The following IPP variants were observed in gnomAD, a reference collection of about 807,000 sequenced individuals.
The protein encoded by IPP is actin-binding protein IPP.
In IPP, 41 loss-of-function variants were observed where a neutral mutation model predicts 64.1. The ratio of observed to expected loss-of-function variants is 0.64; its 90% CI spans 0.50 to 0.83. IPP has a LOEUF of 0.83. IPP is among the 40% of genes least tolerant of loss of function. The pLI is 0.00. For missense variants in IPP, 649 were observed against 703.0 expected (o/e 0.92, Z 0.87); for synonymous variants, 214 against 235.2 (o/e 0.91, Z 0.83).
At chr1:45,743,948 C>T (rs1489527233) in intron 2 of IPP, among the ~76,000 whole-genome samples, 5 of 150,706 alleles carry the variant, frequency 3.3e-5, no homozygotes, top group Non-Finnish European at 7.4e-5. Flanking sequence ...AACTGGGAGG[C>T]AGACGTTGCA....
intron 8 of IPP, among the ~76,000 whole-genome samples, chr1:45,705,575 G>A (rs1248106319): frequency 6.6e-6 from 1 of 152,218 alleles, no homozygotes; most frequent in African/African-American, 2.4e-5. Context: ...GGGAGGCTGA[G>A]GTGGGCAGAT....
chr1:45,717,736 A>C (rs1276806022), intron 6 of IPP, among the ~76,000 whole-genome samples: 1 of 152,022 alleles, frequency 6.6e-6, no homozygotes, highest in Non-Finnish European at 1.5e-5. Context: ...GTTGGTCTCG[A>C]TCTCCTGACT....
At chr1:45,717,716 T>C (rs1427203943) in intron 6 of IPP, among the ~76,000 whole-genome samples, 2 of 152,130 alleles carry the variant, frequency 1.3e-5, no homozygotes, top group Non-Finnish European at 2.9e-5. Context: ...GGTTTCACCA[T>C]GTTAGCCAAG....
chr1:45,747,286 C>A (rs955757715), intron 1 of IPP, among the ~76,000 whole-genome samples: 27 of 151,528 alleles, frequency 1.8e-4, no homozygotes, highest in African/African-American at 6.3e-4. Context: ...TTTTTTTTAA[C>A]TTTTAACTTC....
chr1:45,697,239 A>G (rs185246628), downstream of IPP: 2 of 152,244 alleles, frequency 1.3e-5, no homozygotes, highest in African/African-American at 4.8e-5. Context: ...TTGTAGACTA[A>G]ACCAAATATT....
rs910853038 is a variant in IPP, at chr1:45,729,870, A to T, written c.725-101T>A. 10 of 697,708 alleles carry T rather than the reference A, an allele frequency of 1.4e-5. No homozygotes were observed. The African/African-American group carries it at 1.7e-4, about 12-fold the overall frequency. The allele number at this position is 697,708 out of a possible 1,614,324, so 43.2% of individuals were successfully genotyped here. A position where few individuals can be genotyped will look rare whatever the true frequency, so the allele number is the denominator to read the frequency against. ...AAGATACATTTAACCATCAAGAAAT[A>T]AAAAATCATCATCAAACAATGGTGT... is the stretch of plus-strand genomic sequence containing the variant. On this transcript the variant is annotated intron_variant, in intron 3 of 8. Transcript: ENST00000396478.
chr1:45,729,512 A>G, intron 4 of IPP, 102 bp downstream of exon 4: 2 of 852,378 alleles, frequency 2.3e-6, no homozygotes, highest in Non-Finnish European at 3.8e-6. Context: ...TCTTCAACAC[A>G]CCCACATATT....
chr1:45,694,485 T>G (rs1413457347), downstream of IPP: 1 of 1,546,366 alleles, frequency 6.5e-7, no homozygotes, highest in African/African-American at 1.4e-5. Flanking sequence ...ATTCTCCCAC[T>G]TCAAGCGGAA....
downstream of IPP, among the ~76,000 whole-genome samples, chr1:45,696,578 C>T (rs1337710012): frequency 2.6e-5 from 4 of 152,138 alleles, no homozygotes; most frequent in African/African-American, 9.7e-5. Context: ...GTCGGGAGTT[C>T]GAGTCAAGCG....
intron 5 of IPP, among the ~76,000 whole-genome samples, chr1:45,725,168 G>A (rs1372928313): frequency 7.8e-6 from 1 of 127,552 alleles, no homozygotes; most frequent in African/African-American, 3.0e-5. Context: ...GGGGTGGGGG[G>A]TCAGCCCCCC....
chr1:45,739,047 G>A (rs1194419047), intron 3 of IPP, among the ~76,000 whole-genome samples: 2 of 152,030 alleles, frequency 1.3e-5, no homozygotes, highest in Non-Finnish European at 2.9e-5. Flanking sequence ...AACTATATCT[G>A]TAGTAAAACA....
At chr1:45,745,738 C>T (rs1047280717) in intron 2 of IPP, among the ~76,000 whole-genome samples, 11 of 151,190 alleles carry the variant, frequency 7.3e-5, no homozygotes, top group South Asian at 2.1e-4. Flanking sequence ...TGGTGGCATG[C>T]GCCTGTGTCC....
At position 45,699,729 on chromosome 1, in the gene IPP, C is replaced by T. The variant is rs572186738; in HGVS notation, c.*237G>A. The T allele has an allele frequency of 3.3e-6, 4 of 1,225,274 alleles. No homozygotes were observed. Among genetic ancestry groups the T allele is most frequent in the East Asian group, 2.8e-5 (1 of 35,430 alleles). The allele number at this position is 1,225,274 out of a possible 1,614,324, so 75.9% of individuals were successfully genotyped here. A position where few individuals can be genotyped will look rare whatever the true frequency, so the allele number is the denominator to read the frequency against. ...CCAGAGTGGAGTGCAGTGGCATGAT[C>T]GTAGCTTACTACAACCTCAAATTCC... On this transcript the variant is annotated 3_prime_UTR_variant, in exon 9 of 9. Transcript: ENST00000396478.
chr1:45,728,924 G>A (rs1645868685), intron 4 of IPP, among the ~76,000 whole-genome samples: 1 of 151,800 alleles, frequency 6.6e-6, no homozygotes. Flanking sequence ...TCAGGAGTTC[G>A]AGACCAGCCT....
chr1:45,747,144 C>G (rs1186278978), intron 1 of IPP, among the ~76,000 whole-genome samples: 1 of 151,990 alleles, frequency 6.6e-6, no homozygotes, highest in Non-Finnish European at 1.5e-5. Flanking sequence ...TTCAGAGCTC[C>G]TTGAAACACA....
chr1:45,713,283 G>A (rs1034009091), intron 8 of IPP, among the ~76,000 whole-genome samples: 1 of 152,044 alleles, frequency 6.6e-6, no homozygotes, highest in Non-Finnish European at 1.5e-5. Flanking sequence ...AAATTCAGCT[G>A]GGTGCAGTGG....
intron 3 of IPP, among the ~76,000 whole-genome samples, chr1:45,736,127 A>T (rs200332886): frequency 1.6e-4 from 24 of 148,986 alleles, no homozygotes; most frequent in African/African-American, 2.0e-4. Flanking sequence ...AAAAAAAAAA[A>T]TTTTTTTTTG....
intron 5 of IPP, among the ~76,000 whole-genome samples, chr1:45,721,704 C>T (rs1645733329): frequency 6.6e-6 from 1 of 152,224 alleles, no homozygotes; most frequent in Non-Finnish European, 1.5e-5. Flanking sequence ...CCCTGATGCA[C>T]CTACAAATCA....
At chr1:45,711,951 C>A (rs1386167997) in intron 8 of IPP, among the ~76,000 whole-genome samples, 1 of 152,128 alleles carries the variant, frequency 6.6e-6, no homozygotes, top group African/African-American at 2.4e-5. Context: ...CATTCCAACA[C>A]TCCTTTTTTA....
Sources: allele counts gnomAD v4.1 joint callset (sites outside exome capture counted in the v4.1 genomes callset), GRCh38; gene constraint gnomAD v4.1.1; transcripts MANE v1.5; gene names NCBI Gene and HGNC (gene_info 2026-07-23, HGNC 2026-07-21).